Variants in CCDC159 observed in about 807,000 individuals in gnomAD.
The protein encoded by CCDC159 is coiled-coil domain containing 159, also known as coiled-coil domain-containing protein 159.
Under a neutral mutation model 50.9 loss-of-function variants are expected in CCDC159, and 40 were observed. The ratio of observed to expected loss-of-function variants is 0.79; its 90% CI spans 0.61 to 1.02. CCDC159 has a LOEUF of 1.02. Ranked by LOEUF, CCDC159 falls within the 50% of genes least tolerant of loss-of-function variation. The probability of loss-of-function intolerance (pLI) is 0.00; values close to 1 mark genes in which losing one functional copy is unlikely to be tolerated. For missense variants in CCDC159, 356 were observed against 371.5 expected, an observed-to-expected ratio of 0.96 and a Z score of 0.34; for synonymous variants, 146 against 138.9, an observed-to-expected ratio of 1.05 and a Z score of -0.36.
At chr19:11,348,535 C>T (rs1029638509) in intron 1 of CCDC159, among the ~76,000 whole-genome samples, 25 of 152,148 alleles carry the variant, frequency 1.6e-4, no homozygotes, top group African/African-American at 3.6e-4. Context: ...GTGATCCTCC[C>T]GCCTTGGCCT....
chr19:11,352,362 TC>T, intron 7 of CCDC159: 3 of 523,046 alleles, frequency 5.7e-6, no homozygotes, highest in Non-Finnish European at 1.0e-5. Flanking sequence ...ACGCCTGTAA[TC>T]CCAGCACTTT....
Position 11,353,783 on chromosome 19 carries a change from T to A in CCDC159, c.690-9T>A, listed in dbSNP as rs1460907998. ...CTCCCAGCGCCCCCAGCTCCTTGTC[T>A]TCTTGCAGGTCTGCTGTGCACGTGC... On this transcript the variant is annotated splice_polypyrimidine_tract_variant and intron_variant, in intron 8 of 10. Coordinates refer to ENST00000458408, the MANE Select transcript of CCDC159 (RefSeq NM_001080503.3). 1.3e-6 allele frequency: 2 copies of A among 1,590,106 alleles called. No individual in the cohort carries two copies. The highest frequency in any genetic ancestry group is 2.3e-5 in the South Asian group (2 of 87,374).
At chr19:11,349,835 C>T in intron 2 of CCDC159, 103 bp from the exon 3 acceptor site, 1 of 1,246,206 alleles carries the variant, frequency 8.0e-7, no homozygotes, top group East Asian at 2.4e-5. Flanking sequence ...TATATCTTAT[C>T]CCCTGTCCCT....
intron 1 of CCDC159, among the ~76,000 whole-genome samples, chr19:11,347,492 G>C (rs1343927434): frequency 6.6e-6 from 1 of 152,110 alleles, no homozygotes; most frequent in African/African-American, 2.4e-5. Context: ...CACCACGCCT[G>C]GCTAATTTTG....
Position 11,347,395 on chromosome 19 carries a change from A to G in CCDC159, c.21+768A>G, listed in dbSNP as rs545046589. 5.3e-5 allele frequency among the ~76,000 whole-genome samples: 8 copies of G among 152,300 alleles called. No individual in the cohort carries two copies. The South Asian group carries it at 1.0e-3, about 20-fold the overall frequency. On this transcript the variant is annotated intron_variant, in intron 1 of 10. Coordinates refer to ENST00000458408, the MANE Select transcript of CCDC159 (RefSeq NM_001080503.3). Reference sequence around the variant, plus strand: ...GCCCGGGCTGGAGCACAGTGGCATGATATCGGCTCACTGCAACCTCCGCCT... The same window carrying G: ...GCCCGGGCTGGAGCACAGTGGCATGGTATCGGCTCACTGCAACCTCCGCCT...
At position 11,353,617 on chromosome 19, in the gene CCDC159, C is replaced by T. The variant is rs375196495; in HGVS notation, c.689+45C>T. ...CTGACCCCTGACCCTCCTCTGAACC[C>T]GTTCCCCCAACGGGATCTGGCAGTG... On this transcript the variant is annotated intron_variant, in intron 8 of 10. Transcript: ENST00000458408. The T allele has an allele frequency of 3.6e-4, 574 of 1,603,460 alleles. 3 individuals are homozygous for T. The highest frequency in any genetic ancestry group is 1.3e-3 in the Middle Eastern group (8 of 5,936).
rs769142689 is a variant in CCDC159 at position 11,349,972 on chromosome 19, G to A, written c.90G>A (p.Lys30=). The A allele has an allele frequency of 5.6e-6, 9 of 1,613,802 alleles. No individual in the cohort carries two copies. The South Asian group carries it at 9.9e-5, about 18-fold the overall frequency. The change falls in exon 3 of 11, where the codon AAG becomes AAA. Residue 30 remains lysine (K), a synonymous_variant. Coordinates refer to ENST00000458408, the MANE Select transcript of CCDC159 (RefSeq NM_001080503.3). The part of the protein sequence containing the change: ...KTIVMIPDSQ[K]LLRCELESLK... ...TTGTGATGATTCCCGACTCCCAGAAGCTCCTGCGATGTGAACTTGAGTCAC... is the reference window on the plus strand; with the variant it reads ...TTGTGATGATTCCCGACTCCCAGAAACTCCTGCGATGTGAACTTGAGTCAC...
chr19:11,353,738 C>A (rs963401109), intron 8 of CCDC159, 54 bp from the exon 9 acceptor site: 1 of 1,546,070 alleles, frequency 6.5e-7, no homozygotes, highest in South Asian at 1.2e-5. Context: ...CTGCTGTCTA[C>A]ACCCTGAGCA....
rs1485234341 is a variant in CCDC159, at chr19:11,353,889, G to A, written c.772+15G>A. 6.4e-7 allele frequency: 1 copy of A among 1,552,210 alleles called. No homozygotes were observed. Among genetic ancestry groups the A allele is most frequent in the Non-Finnish European group, 8.7e-7 (1 of 1,150,002 alleles). The stretch of plus-strand genomic sequence containing the variant: ...GAGCCTAAGAGGTGAGGGAGGCTGA[G>A]AATTGCTCAGGGGTGGGAGGTCATT... On this transcript the variant is annotated intron_variant, in intron 9 of 10. Coordinates refer to ENST00000458408, the MANE Select transcript of CCDC159 (RefSeq NM_001080503.3).
At chr19:11,347,433 C>T (rs1026821777) in intron 1 of CCDC159, among the ~76,000 whole-genome samples, 1 of 152,162 alleles carries the variant, frequency 6.6e-6, no homozygotes, top group African/African-American at 2.4e-5. Context: ...GAGGTTCAAG[C>T]GACTCTCCTG....
Position 11,349,670 on chromosome 19 carries a change from G to A in CCDC159, c.38G>A (p.Ser13Asn). Residue 13 changes from serine to asparagine, a missense_variant, in exon 2 of 11, where the codon AGC (serine) becomes AAC (asparagine). Physicochemically the swap from Ser to Asn is conservative, Grantham distance 46. Coordinates refer to ENST00000458408, the MANE Select transcript of CCDC159 (RefSeq NM_001080503.3). ...EHEQVKPLETSSSKVKAKTIV... is the reference protein window; with the variant it reads ...EHEQVKPLETNSSKVKAKTIV... ...CTTCCTTAGAAGCCCTTGGAGACCA[G>A]CTCTTCCAAAGTCAAAGGTGAGAAA... The A allele has an allele frequency of 6.2e-7, 1 of 1,612,652 alleles. No individual in the cohort carries two copies. The highest frequency in any genetic ancestry group is 1.3e-5 in the African/African-American group (1 of 75,000).
At chr19:11,351,791 C>A in intron 5 of CCDC159, 115 bp from the exon 6 acceptor site, 1 of 790,502 alleles carries the variant, frequency 1.3e-6, no homozygotes, top group Non-Finnish European at 2.0e-6. Flanking sequence ...GGGAAAAGGG[C>A]AGGGAAGTGT....
In CCDC159 at chr19:11,353,833, C is replaced by T. The variant is rs752060160; in HGVS notation, c.731C>T (p.Thr244Ile). 1 of 1,596,852 alleles carries T rather than the reference C, an allele frequency of 6.3e-7. No individual in the cohort carries two copies. The highest frequency in any genetic ancestry group is 2.3e-5 in the East Asian group (1 of 44,128). The change falls in exon 9 of 11, where the codon ACT becomes ATT. Residue 244 changes from threonine (T) to isoleucine (I), a missense_variant. Physicochemically the swap from Thr to Ile is moderately conservative, Grantham distance 89 (BLOSUM62 -1). Transcript: ENST00000458408. ...HVLQNSIDSL[T>I]LCSGACPKAS... ...CTGCAGAACTCCATAGACAGCCTCA[C>T]TTTGTGCTCGGGGGCCTGTCCCAAG... is the stretch of plus-strand genomic sequence containing the variant.
At chr19:11,351,503 G>A (rs1967577980) in intron 5 of CCDC159, 1 of 196,372 alleles carries the variant, frequency 5.1e-6, no homozygotes, top group African/African-American at 2.4e-5. Flanking sequence ...ACAGGTGGCT[G>A]GTGGGGGCGG....
chr19:11,349,732 T>C, intron 2 of CCDC159, 45 bp downstream of exon 2: 1 of 1,473,424 alleles, frequency 6.8e-7, no homozygotes, highest in East Asian at 2.3e-5. Context: ...GAAGACCTGC[T>C]GGTTTCTACC....
At chr19:11,353,404 T>C (rs1568314759) in intron 7 of CCDC159, 47 bp from the exon 8 acceptor site, 1 of 1,530,268 alleles carries the variant, frequency 6.5e-7, no homozygotes. Flanking sequence ...CTGGCACTAT[T>C]GTCATTATTA....
intron 7 of CCDC159, 51 bp downstream of exon 7, chr19:11,352,184 G>A (rs752956710): frequency 3.2e-6 from 5 of 1,580,744 alleles, no homozygotes; most frequent in Non-Finnish European, 4.3e-6. Context: ...GGGAGGGATG[G>A]GGATTTTGGC....
chr19:11,353,410 T>C (rs1300199858), intron 7 of CCDC159, 41 bp from the exon 8 acceptor site: 2 of 1,533,708 alleles, frequency 1.3e-6, no homozygotes, highest in African/African-American at 2.8e-5. Context: ...CTATTGTCAT[T>C]ATTATTATGA....
chr19:11,352,285 G>A, intron 7 of CCDC159, 152 bp downstream of exon 7: 1 of 739,914 alleles, frequency 1.4e-6, no homozygotes, highest in Non-Finnish European at 2.3e-6. Context: ...TGACCTCTCT[G>A]AGCCTCAGTT....
Sources: allele counts gnomAD v4.1 joint callset (sites outside exome capture counted in the v4.1 genomes callset), GRCh38; gene constraint gnomAD v4.1.1; transcripts MANE v1.5; gene names NCBI Gene and HGNC (gene_info 2026-07-23, HGNC 2026-07-21).